Variants in IRF6 observed in about 807,000 individuals in gnomAD.
The protein encoded by IRF6 is Van der Woude syndrome.
IRF6 carries 6 observed loss-of-function variants against 51.4 expected under a neutral mutation model. The ratio of observed to expected loss-of-function variants is 0.12; its 90% CI spans 0.06 to 0.23. The LOEUF is 0.23. IRF6 is among the 10% of genes least tolerant of loss of function. IRF6 has a pLI of 1.00. For synonymous variants in IRF6, 178 were observed against 215.7 expected, an observed-to-expected ratio of 0.83 and a Z score of 1.53; for missense variants, 348 against 585.2, an observed-to-expected ratio of 0.59 and a Z score of 4.18.
In IRF6 at chr1:209,790,772, G is replaced by A; in HGVS notation, c.783C>T (p.Asp261=). ...TGACGGGACCAAAGAGCTCCTCCTG[G>A]TCAGGCATGGGACCCAGGTCCCCAT... ...LFYGDLGPMP[D]QEELFGPVSL... The change falls in exon 7 of 9, where the codon GAC becomes GAT. Residue 261 remains aspartate, a synonymous_variant. Transcript: ENST00000367021. The surrounding 1 kb of genome is among the most constrained non-coding windows in gnomAD (Gnocchi z 4.8). 1 of 1,614,186 alleles carries A rather than the reference G, an allele frequency of 6.2e-7. No homozygotes were observed.
At position 209,790,135 on chromosome 1, in the gene IRF6, CA is replaced by C. The variant is rs2077860405; in HGVS notation, c.1061-351del. Among the ~76,000 whole-genome samples, 1 of 152,192 alleles carries C rather than the reference CA, an allele frequency of 6.6e-6. No homozygotes were observed. Among genetic ancestry groups the C allele is most frequent in the African/African-American group, 2.4e-5 (1 of 41,436 alleles). Reference sequence around the variant, plus strand: ...TTGAATTCACCACTCAGATAATTCCCAAAAGAATATGTGCTATTCTGAACAT... The same window carrying C: ...TTGAATTCACCACTCAGATAATTCCCAAAGAATATGTGCTATTCTGAACAT... On this transcript the variant is annotated intron_variant, in intron 7 of 8. Transcript: ENST00000367021. The surrounding 1 kb of genome is among the most constrained non-coding windows in gnomAD (Gnocchi z 4.8).
intron 8 of IRF6, among the ~76,000 whole-genome samples, chr1:209,789,351 TTGTGTGTG>T (rs57430923): frequency 2.7e-5 from 4 of 147,036 alleles, no homozygotes; most frequent in Admixed American, 6.7e-5. Flanking sequence ...GCAATTTACA[TTGTGTGTG>T]TGTGTGTGTG....
intron 3 of IRF6, among the ~76,000 whole-genome samples, chr1:209,798,833 C>T (rs548109196): frequency 9.2e-5 from 13 of 141,892 alleles, no homozygotes; most frequent in South Asian, 2.2e-4. Context: ...CGCTTGAACC[C>T]GGGAGGCGGA....
chr1:209,792,775 C>A, intron 5 of IRF6: 1 of 331,398 alleles, frequency 3.0e-6, no homozygotes, highest in Non-Finnish European at 5.7e-6. Flanking sequence ...AGCTGGTTGT[C>A]TTCCATAAAA....
At chr1:209,791,761 G>A (rs1242095939) in intron 6 of IRF6, among the ~76,000 whole-genome samples, 1 of 151,990 alleles carries the variant, frequency 6.6e-6, no homozygotes, top group Non-Finnish European at 1.5e-5. Flanking sequence ...CATCCCTATG[G>A]GCAAGTAAGT....
At chr1:209,789,544 C>G (rs2077856275) in intron 8 of IRF6, 123 bp downstream of exon 8, 2 of 778,090 alleles carry the variant, frequency 2.6e-6, no homozygotes, top group Admixed American at 3.5e-5. Flanking sequence ...AGTCTGTTAC[C>G]CCATCTGATG....
chr1:209,804,693 T>G (rs1257286280), intron 1 of IRF6, among the ~76,000 whole-genome samples: 1 of 152,170 alleles, frequency 6.6e-6, no homozygotes, highest in African/African-American at 2.4e-5. Context: ...GAGGGACACT[T>G]TCAGCCTCCT....
Position 209,787,970 on chromosome 1 carries a change from G to A in IRF6, c.*450C>T, listed in dbSNP as rs1024494315. On this transcript the variant is annotated 3_prime_UTR_variant, in exon 9 of 9. Transcript: ENST00000367021. ...AGGAAAAATGTGGTACAAGAACAAT[G>A]CAGAAGGATTCTGTTCCAGGCAGTT... 4 of 201,942 alleles carry A rather than the reference G, an allele frequency of 2.0e-5. No individual in the cohort carries two copies. Among genetic ancestry groups the A allele is most frequent in the Admixed American group, 1.1e-4 (2 of 18,844 alleles). The allele number at this position is 201,942 out of a possible 1,614,324, so 12.5% of individuals were successfully genotyped here.
chr1:209,798,256 C>G (rs1028457846), intron 3 of IRF6, among the ~76,000 whole-genome samples: 5 of 152,238 alleles, frequency 3.3e-5, no homozygotes, highest in South Asian at 2.1e-4. Context: ...TATCCAACCC[C>G]CTACGGGAGA....
intron 6 of IRF6, among the ~76,000 whole-genome samples, chr1:209,791,232 G>A (rs939321780): frequency 1.3e-5 from 2 of 152,136 alleles, no homozygotes; most frequent in Admixed American, 6.5e-5. Flanking sequence ...TAAAAACTAA[G>A]GTATCTTGTT....
chr1:209,792,501 AC>A, intron 5 of IRF6, 74 bp from the exon 6 acceptor site: 2 of 1,525,390 alleles, frequency 1.3e-6, no homozygotes, highest in Non-Finnish European at 1.8e-6. Flanking sequence ...CTGAGAACTC[AC>A]AAGGTCAGTA....
In IRF6 at chr1:209,796,242, A is replaced by G. The variant is rs1205878907; in HGVS notation, c.379+106T>C. 1.1e-6 allele frequency: 1 copy of G among 946,140 alleles called. No individual in the cohort carries two copies. Among genetic ancestry groups the G allele is most frequent in the Non-Finnish European group, 1.7e-6 (1 of 604,810 alleles). The allele number at this position is 946,140 out of a possible 1,614,324, so 58.6% of individuals were successfully genotyped here. A position where few individuals can be genotyped will look rare whatever the true frequency, so the allele number is the denominator to read the frequency against. ...AGAGAAAGGCTTTCTTGCTTTATCC[A>G]TCTTAAACTGTGTAAATCAGGCTGT... On this transcript the variant is annotated intron_variant, in intron 4 of 8. Transcript: ENST00000367021. The surrounding 1 kb of genome is among the most constrained non-coding windows in gnomAD (Gnocchi z 4.5).
rs1444890455 is a variant in IRF6 at position 209,786,036 on chromosome 1, A to ATGTTAGATTTTG, written c.*2383_*2384insCAAAATCTAACA. 1 of 152,166 alleles carries ATGTTAGATTTTG rather than the reference A, an allele frequency of 6.6e-6. No individual in the cohort carries two copies. Among genetic ancestry groups the ATGTTAGATTTTG allele is most frequent in the African/African-American group, 2.4e-5 (1 of 41,430 alleles). The allele number at this position is 152,166 out of a possible 1,614,324, so 9.4% of individuals were successfully genotyped here. On this transcript the variant is annotated 3_prime_UTR_variant, in exon 9 of 9. Coordinates refer to ENST00000367021, the MANE Select transcript of IRF6 (RefSeq NM_006147.4). ...AGGAAAAAGAAGAGCTAGTGACAAA[A>ATGTTAGATTTTG]TCTAACTCCCTTCTCAGTCTTAAGC...
chr1:209,805,051 G>A (rs2077965559), intron 1 of IRF6, among the ~76,000 whole-genome samples: 1 of 152,074 alleles, frequency 6.6e-6, no homozygotes, highest in African/African-American at 2.4e-5. Flanking sequence ...CTGGGGGATG[G>A]CGAATGGGAG....
intron 1 of IRF6, among the ~76,000 whole-genome samples, chr1:209,804,969 T>C (rs1374041921): frequency 6.6e-6 from 1 of 152,214 alleles, no homozygotes; most frequent in African/African-American, 2.4e-5. Context: ...CTTCCCTGTT[T>C]AGCCCTGCTT....
intron 4 of IRF6, 152 bp from the exon 5 acceptor site, chr1:209,795,570 A>G (rs769956679): frequency 5.0e-6 from 6 of 1,200,906 alleles, no homozygotes; most frequent in Non-Finnish European, 7.1e-6. Flanking sequence ...AGTGAGAATC[A>G]AGGGAATGAA....
At chr1:209,793,863 C>A (rs898075792) in intron 5 of IRF6, among the ~76,000 whole-genome samples, 1 of 152,146 alleles carries the variant, frequency 6.6e-6, no homozygotes, top group Admixed American at 6.5e-5. Flanking sequence ...TAGGATAATG[C>A]CCTCCAGCTA....
At chr1:209,801,476 C>A (rs1026987425) in intron 2 of IRF6, 60 bp from the exon 3 acceptor site, 23 of 1,334,918 alleles carry the variant, frequency 1.7e-5, no homozygotes, top group Non-Finnish European at 2.4e-5. Context: ...CACTGGGAAC[C>A]CTTCCCAGCC....
In IRF6 at chr1:209,788,511, T is replaced by A. The variant is rs753818978; in HGVS notation, c.1313A>T (p.Gln438Leu). 2.5e-6 allele frequency: 4 copies of A among 1,614,064 alleles called. No individual in the cohort carries two copies. The highest frequency in any genetic ancestry group is 1.7e-5 in the Admixed American group (1 of 60,002). ...IKDNIVAQLK[Q>L]LYRILQTQES... The stretch of plus-strand genomic sequence containing the variant: ...CTGGGTTTGAAGGATGCGGTACAGC[T>A]GCTTCAGCTGAGCAACGATGTTATC... Residue 438 changes from glutamine to leucine, a missense_variant, in exon 9 of 9, where the codon CAG becomes CTG. By Grantham distance (113) the Gln-to-Leu change is moderately radical. Coordinates refer to ENST00000367021, the MANE Select transcript of IRF6 (RefSeq NM_006147.4).
Sources: gnomAD v4.1 joint callset for allele counts (sites outside exome capture counted in the v4.1 genomes callset) on GRCh38, gnomAD v4.1.1 for gene constraint, Gnocchi (gnomAD v3.1) non-coding constraint, MANE v1.5 for transcripts, NCBI Gene and HGNC (gene_info 2026-07-23, HGNC 2026-07-21) for gene names.